The following CYFIP1 variants were observed in gnomAD, a reference collection of about 807,000 sequenced individuals.
CYFIP1 encodes the protein cytoplasmic FMR1 interacting protein 1, also known as cytoplasmic FMR1-interacting protein 1.
Under a neutral mutation model 163.5 loss-of-function variants are expected in CYFIP1, and 58 were observed. The observed-to-expected ratio is 0.35, with a 90% CI of 0.29 to 0.44. The LOEUF (loss-of-function observed/expected upper bound fraction) is 0.44, where lower values mean the gene tolerates loss of function less well. Ranked by LOEUF, CYFIP1 falls within the 20% of genes least tolerant of loss-of-function variation. CYFIP1 has a pLI of 1.00. For missense variants in CYFIP1, 1,338 were observed against 1,653.8 expected, an observed-to-expected ratio of 0.81 and a Z score of 3.31; for synonymous variants, 663 against 660.7, an observed-to-expected ratio of 1.00 and a Z score of -0.05.
At position 22,903,924 on chromosome 15, in the gene CYFIP1, G is replaced by T. The variant is rs1566948894; in HGVS notation, c.2389-19C>A. On this transcript the variant is annotated intron_variant, in intron 21 of 30. Transcript: ENST00000617928. ...CCAGCTCCTGTGGCACCAAAGACAG[G>T]GGTGGGTGACAGAGCTGGTCCAGGC... 6.2e-7 allele frequency: 1 copy of T among 1,611,858 alleles called. No individual in the cohort carries two copies. The highest frequency in any genetic ancestry group is 1.1e-5 in the South Asian group (1 of 90,860).
intron 1 of CYFIP1, among the ~76,000 whole-genome samples, chr15:22,961,306 G>A (rs2062674092): frequency 6.6e-6 from 1 of 152,146 alleles, no homozygotes; most frequent in South Asian, 2.1e-4. Context: ...GCAGGCATGA[G>A]CCACTGTGCC....
At chr15:22,918,936 C>A in intron 13 of CYFIP1, 78 bp from the exon 14 acceptor site, 2 of 1,187,998 alleles carry the variant, frequency 1.7e-6, no homozygotes, top group Admixed American at 2.3e-5. Context: ...ATGCCGGGGG[C>A]TGCTCCTCCT....
In CYFIP1 at chr15:22,873,591, C is replaced by T. The variant is rs898891708; in HGVS notation, c.3349G>A (p.Gly1117Arg). 1.2e-6 allele frequency: 2 copies of T among 1,614,280 alleles called. No homozygotes were observed. Among genetic ancestry groups the T allele is most frequent in the Non-Finnish European group, 1.7e-6 (2 of 1,180,052 alleles). Residue 1117 changes from glycine to arginine, a missense_variant, in exon 29 of 31, where the codon GGG becomes AGG. Gly to Arg is a moderately radical substitution (Grantham distance 125). This residue lies in a region of CYFIP1 where 306 missense variants were observed against 322.1 expected (regional missense o/e 0.95). Coordinates refer to ENST00000617928, the MANE Select transcript of CYFIP1 (RefSeq NM_014608.6). ...PIWRGPLPSN[G>R]VMHVDECVEF... ...ACACACTCGTCCACATGCATGACCC[C>T]ATTGCTGGGCAGAGGCCCGCGCCAG...
chr15:22,882,641 C>T (rs1323889233), intron 24 of CYFIP1, among the ~76,000 whole-genome samples: 1 of 152,204 alleles, frequency 6.6e-6, no homozygotes, highest in Non-Finnish European at 1.5e-5. Flanking sequence ...CCCCTCTCTA[C>T]ACATACAAAT....
rs1490166991 is a variant in CYFIP1, at chr15:22,932,235, G to A, written c.1098C>T (p.Tyr366=). The part of the protein sequence containing the change: ...HMRFISELAR[Y]SNSEVVTGSG... ...TCGCGGGGCGCACCTCGCTGTTGCT[G>A]TAGCGCGCCAGCTCCGAAATGAAGC... The change falls in exon 11 of 31, where the codon TAC becomes TAT. Residue 366 remains tyrosine, a synonymous_variant. Coordinates refer to ENST00000617928, the MANE Select transcript of CYFIP1 (RefSeq NM_014608.6). 2 of 1,611,130 alleles carry A rather than the reference G, an allele frequency of 1.2e-6. No individual in the cohort carries two copies. The highest frequency in any genetic ancestry group is 1.7e-6 in the Non-Finnish European group (2 of 1,178,434).
rs1023280097 is a variant in CYFIP1 at position 22,912,295 on chromosome 15, T to C, written c.1986-20A>G. On this transcript the variant is annotated intron_variant, in intron 17 of 30. Coordinates refer to ENST00000617928, the MANE Select transcript of CYFIP1 (RefSeq NM_014608.6). Reference sequence around the variant, plus strand: ...ACGTACCTGCAGAGGACAGCAGCAGTGTGACCAGCAGCCTCTGCCACTCAC... The same window carrying C: ...ACGTACCTGCAGAGGACAGCAGCAGCGTGACCAGCAGCCTCTGCCACTCAC... 6.3e-7 allele frequency: 1 copy of C among 1,581,094 alleles called. No individual in the cohort carries two copies. Among genetic ancestry groups the C allele is most frequent in the South Asian group, 1.1e-5 (1 of 87,308 alleles).
chr15:22,951,398 G>A (rs1406345158), intron 1 of CYFIP1: 36 of 1,288,202 alleles, frequency 2.8e-5, no homozygotes, highest in Non-Finnish European at 3.5e-5. Context: ...TGGGTGCAGG[G>A]TCCAGCCCCA....
rs192445290 is a variant in CYFIP1, at chr15:22,946,141, A to G, written c.207+862T>C. On this transcript the variant is annotated intron_variant, in intron 3 of 30. Coordinates refer to ENST00000617928, the MANE Select transcript of CYFIP1 (RefSeq NM_014608.6). Reference sequence around the variant, plus strand: ...AACATGGTGAGACCTCGCCTCTACAAAAAACACAAAAAAGTAGATGGGCAT... The same window carrying G: ...AACATGGTGAGACCTCGCCTCTACAGAAAACACAAAAAAGTAGATGGGCAT... Among the ~76,000 whole-genome samples, 326 of 151,924 alleles carry G rather than the reference A, an allele frequency of 2.1e-3. 1 individual carries two copies. The highest frequency in any genetic ancestry group is 4.0e-3 in the Non-Finnish European group (269 of 67,936).
chr15:22,944,630 C>T lies in CYFIP1; in HGVS notation c.315G>A (p.Val105=). 3.1e-6 allele frequency: 5 copies of T among 1,613,934 alleles called. No individual in the cohort carries two copies. The highest frequency in any genetic ancestry group is 4.2e-6 in the Non-Finnish European group (5 of 1,179,804). ...CCTCCACGGTTTTCTCGTAGATTTC[C>T]ACTCTGTTAGGCTGCTCGTTACATT... ...QVKCNEQPNR[V]EIYEKTVEVL... Residue 105 remains valine (V), a synonymous_variant, in exon 5 of 31, where the codon GTG becomes GTA. Coordinates refer to ENST00000617928, the MANE Select transcript of CYFIP1 (RefSeq NM_014608.6).
At chr15:22,892,417 C>T (rs1217285025) in intron 23 of CYFIP1, among the ~76,000 whole-genome samples, 1 of 152,172 alleles carries the variant, frequency 6.6e-6, no homozygotes, top group Admixed American at 6.5e-5. Flanking sequence ...CAGGCACAGG[C>T]GGACATCCTT....
intron 1 of CYFIP1, among the ~76,000 whole-genome samples, chr15:22,972,423 T>A (rs1212225269): frequency 6.6e-6 from 1 of 151,890 alleles, no homozygotes; most frequent in Non-Finnish European, 1.5e-5. Flanking sequence ...GGTGACAGAG[T>A]GAGACTCCGT....
At position 22,943,202 on chromosome 15, in the gene CYFIP1, A is replaced by G. The variant is rs1384676002; in HGVS notation, c.540T>C (p.Ser180=). 1.2e-6 allele frequency: 2 copies of G among 1,614,186 alleles called. No homozygotes were observed. Among genetic ancestry groups the G allele is most frequent in the Non-Finnish European group, 8.5e-7 (1 of 1,180,024 alleles). ...VLDELKNMKC[S]VKNDHSAYKR... ...TGTACGCTGAGTGGTCGTTCTTCAC[A>G]CTGCACTTCATGTTCTTCAGCTCGT... The change falls in exon 6 of 31, where the codon AGT becomes AGC. Residue 180 remains serine (S), a synonymous_variant. Transcript: ENST00000617928.
At chr15:22,921,196 C>T (rs530971638) in intron 13 of CYFIP1, among the ~76,000 whole-genome samples, 20 of 151,660 alleles carry the variant, frequency 1.3e-4, no homozygotes, top group Non-Finnish European at 2.2e-4. Context: ...GGTGAAACCC[C>T]GTCTCTACTA....
chr15:22,930,394 A>G (rs1478561907), intron 11 of CYFIP1, among the ~76,000 whole-genome samples: 2 of 131,126 alleles, frequency 1.5e-5, no homozygotes, highest in Admixed American at 7.6e-5. Flanking sequence ...TCACCCAAAA[A>G]AAAAAAAAAA....
chr15:22,949,281 G>C (rs1465888365), intron 1 of CYFIP1, among the ~76,000 whole-genome samples: 1 of 81,494 alleles, frequency 1.2e-5, no homozygotes, highest in Non-Finnish European at 2.6e-5. Flanking sequence ...CTAAAGCGGG[G>C]ACCAGGCGGG....
intron 1 of CYFIP1, among the ~76,000 whole-genome samples, chr15:22,978,741 T>C (rs1354500400): frequency 6.6e-6 from 1 of 152,154 alleles, no homozygotes; most frequent in Non-Finnish European, 1.5e-5. Context: ...GTATCTTTAC[T>C]CTTCAGGGAC....
chr15:22,950,461 C>G, intron 1 of CYFIP1, among the ~76,000 whole-genome samples: 1 of 151,984 alleles, frequency 6.6e-6, no homozygotes, highest in Admixed American at 6.6e-5. Context: ...ATGCACCCGG[C>G]CAAAAAGCTT....
intron 21 of CYFIP1, among the ~76,000 whole-genome samples, chr15:22,907,486 A>G (rs1351753179): frequency 6.6e-6 from 1 of 152,232 alleles, no homozygotes; most frequent in Non-Finnish European, 1.5e-5. Flanking sequence ...TTGAATCATC[A>G]TAAAAGAAAT....
chr15:22,957,216 C>T (rs900341656), intron 1 of CYFIP1, among the ~76,000 whole-genome samples: 2 of 152,194 alleles, frequency 1.3e-5, no homozygotes, highest in Non-Finnish European at 2.9e-5. Flanking sequence ...AATTTTACAA[C>T]TTGTGGCCGG....
Sources: allele counts gnomAD v4.1 joint callset (sites outside exome capture counted in the v4.1 genomes callset), GRCh38; gene constraint gnomAD v4.1.1; regional missense constraint gnomAD v4.1.1; transcripts MANE v1.5; gene names NCBI Gene and HGNC (gene_info 2026-07-23, HGNC 2026-07-21).